IMMP2L: variants seen among roughly 807,000 people sequenced by gnomAD.
The protein encoded by IMMP2L is inner mitochondrial membrane peptidase subunit 2, also known as mitochondrial inner membrane protease subunit 2.
IMMP2L carries 18 observed loss-of-function variants against 19.3 expected under a neutral mutation model. That is an observed-to-expected ratio of 0.93 (90% CI 0.64 to 1.38). The LOEUF is 1.38. Ranked by LOEUF, IMMP2L falls within the 40% of genes most tolerant of loss-of-function variation. The probability of loss-of-function intolerance (pLI) is 0.00; values close to 1 mark genes in which losing one functional copy is unlikely to be tolerated. For missense variants in IMMP2L, 233 were observed against 218.2 expected (o/e 1.07, Z -0.43); for synonymous variants, 76 against 73.0 (o/e 1.04, Z -0.21).
chr7:110,759,080 G>A (rs1443047000), intron 5 of IMMP2L, among the ~76,000 whole-genome samples: 1 of 152,014 alleles, frequency 6.6e-6, no homozygotes, highest in East Asian at 1.9e-4. Flanking sequence ...TGCACGTTTA[G>A]TATTCTACTT....
rs571995243 is a variant in IMMP2L at position 110,825,180 on chromosome 7, T to C, written c.408+61413A>G. ...AACTAAAAACCACTGCTTAGCGAAATAAAAGAGGACTCAAACAAATGGAAG... is the reference window on the plus strand; with the variant it reads ...AACTAAAAACCACTGCTTAGCGAAACAAAAGAGGACTCAAACAAATGGAAG... On this transcript the variant is annotated intron_variant, in intron 5 of 5. Coordinates refer to ENST00000405709, the MANE Select transcript of IMMP2L (RefSeq NM_032549.4). Among the ~76,000 whole-genome samples, 12 of 152,074 alleles carry C rather than the reference T, an allele frequency of 7.9e-5. No individual in the cohort carries two copies. In the East Asian group the frequency reaches 2.3e-3, roughly 29 times the overall value.
intron 5 of IMMP2L, among the ~76,000 whole-genome samples, chr7:110,817,509 A>T (rs1795170696): frequency 6.6e-6 from 1 of 152,180 alleles, no homozygotes; most frequent in Non-Finnish European, 1.5e-5. Flanking sequence ...GGTAGGAAGA[A>T]TCAATATTGT....
intron 3 of IMMP2L, among the ~76,000 whole-genome samples, chr7:111,363,858 C>T (rs1257889260): frequency 6.6e-6 from 1 of 152,078 alleles, no homozygotes; most frequent in Non-Finnish European, 1.5e-5. Context: ...CCTGTACACA[C>T]CACGTGGTTT....
At chr7:110,868,980 A>G (rs1454360879) in intron 5 of IMMP2L, among the ~76,000 whole-genome samples, 3 of 152,094 alleles carry the variant, frequency 2.0e-5, no homozygotes, top group Non-Finnish European at 4.4e-5. Flanking sequence ...CTCTTGGAAA[A>G]GGAAGCTTTA....
intron 3 of IMMP2L, among the ~76,000 whole-genome samples, chr7:111,075,091 A>G (rs1795276021): frequency 7.4e-6 from 1 of 135,912 alleles, no homozygotes; most frequent in Non-Finnish European, 1.6e-5. Flanking sequence ...TTTGGCTGTT[A>G]TATTTTAAAT....
At chr7:111,069,043 T>C (rs763630769) in intron 3 of IMMP2L, among the ~76,000 whole-genome samples, 5 of 152,034 alleles carry the variant, frequency 3.3e-5, no homozygotes, top group Non-Finnish European at 7.4e-5. Flanking sequence ...ATGGACACTA[T>C]ATTGAGCCAA....
At chr7:111,355,457 A>G (rs976632951) in intron 3 of IMMP2L, among the ~76,000 whole-genome samples, 2 of 151,720 alleles carry the variant, frequency 1.3e-5, no homozygotes, top group Non-Finnish European at 3.0e-5. Context: ...GGGCTTTATT[A>G]CTTAATGTAT....
intron 4 of IMMP2L, among the ~76,000 whole-genome samples, chr7:110,891,741 A>G (rs1810821918): frequency 6.6e-6 from 1 of 152,186 alleles, no homozygotes; most frequent in East Asian, 1.9e-4. Flanking sequence ...ATTAAAATAT[A>G]TAACTAAATA....
intron 1 of IMMP2L, among the ~76,000 whole-genome samples, chr7:111,535,553 T>A (rs1847811489): frequency 1.3e-5 from 2 of 152,108 alleles, no homozygotes; most frequent in Non-Finnish European, 2.9e-5. Context: ...AATTAAACAG[T>A]CATCAACTAT....
chr7:111,027,614 G>A (rs558863422), intron 3 of IMMP2L, among the ~76,000 whole-genome samples: 1 of 152,082 alleles, frequency 6.6e-6, no homozygotes, highest in East Asian at 1.9e-4. Flanking sequence ...GGTACACAGG[G>A]TAGAAATGCT....
At chr7:111,301,820 T>A (rs1289208306) in intron 3 of IMMP2L, among the ~76,000 whole-genome samples, 1 of 149,566 alleles carries the variant, frequency 6.7e-6, no homozygotes, top group Non-Finnish European at 1.5e-5. Flanking sequence ...TATGTGTCTA[T>A]CCCTCCACCA....
Position 110,983,476 on chromosome 7 carries a change from C to T in IMMP2L, c.240-19911G>A, listed in dbSNP as rs190827713. Among the ~76,000 whole-genome samples, 311 of 152,104 alleles carry T rather than the reference C, an allele frequency of 2.0e-3. 2 individuals carry two copies. The highest frequency in any genetic ancestry group is 7.1e-3 in the African/African-American group (295 of 41,526). On this transcript the variant is annotated intron_variant, in intron 3 of 5. Transcript: ENST00000405709. ...CCTCATATTCTTCCCTTCTCGTCAT[C>T]ATATAGAAATTTAGTTGCCAGAATC...
chr7:111,109,963 G>T (rs530350512), intron 3 of IMMP2L, among the ~76,000 whole-genome samples: 1 of 152,226 alleles, frequency 6.6e-6, no homozygotes, highest in South Asian at 2.1e-4. Flanking sequence ...GTGAAACACT[G>T]TGTCTATTAA....
At chr7:110,776,792 T>C (rs1799418018) in intron 5 of IMMP2L, among the ~76,000 whole-genome samples, 1 of 152,052 alleles carries the variant, frequency 6.6e-6, no homozygotes, top group Non-Finnish European at 1.5e-5. Flanking sequence ...GTCACCTTCT[T>C]GGTCAAGCTT....
At chr7:111,276,931 G>A (rs758199135) in intron 3 of IMMP2L, among the ~76,000 whole-genome samples, 2 of 151,986 alleles carry the variant, frequency 1.3e-5, no homozygotes, top group African/African-American at 2.4e-5. Flanking sequence ...AAGAATGACT[G>A]GACCCATACC....
chr7:110,866,412 A>G (rs1366661314), intron 5 of IMMP2L, among the ~76,000 whole-genome samples: 2 of 151,666 alleles, frequency 1.3e-5, no homozygotes, highest in Non-Finnish European at 2.9e-5. Context: ...AAGATTTTTA[A>G]GCCACAGAGA....
intron 5 of IMMP2L, among the ~76,000 whole-genome samples, chr7:110,802,360 TGTGTGTGTGC>T (rs751509689): frequency 1.7e-5 from 2 of 118,702 alleles, no homozygotes; most frequent in Non-Finnish European, 3.7e-5. Flanking sequence ...TGTGTGTGTG[TGTGTGTGTGC>T]CTGTGTCTGT....
chr7:111,500,758 G>A (rs1429431941), intron 2 of IMMP2L, among the ~76,000 whole-genome samples: 1 of 152,132 alleles, frequency 6.6e-6, no homozygotes, highest in Admixed American at 6.5e-5. Flanking sequence ...CTGCAGCTGA[G>A]GGTCCTGTCT....
intron 5 of IMMP2L, among the ~76,000 whole-genome samples, chr7:110,825,221 T>C (rs954408656): frequency 6.6e-5 from 10 of 152,144 alleles, no homozygotes; most frequent in African/African-American, 2.4e-4. Context: ...TCCACGCTCA[T>C]GGATAGGAAG....
Sources: gnomAD v4.1 joint callset for allele counts (sites outside exome capture counted in the v4.1 genomes callset) on GRCh38, gnomAD v4.1.1 for gene constraint, MANE v1.5 for transcripts, NCBI Gene and HGNC (gene_info 2026-07-23, HGNC 2026-07-21) for gene names.